CABCOCO1: variants seen among roughly 807,000 people sequenced by gnomAD.
The protein encoded by CABCOCO1 is ciliary-associated calcium-binding coiled-coil protein 1.
Under a neutral mutation model 35.7 loss-of-function variants are expected in CABCOCO1, and 28 were observed. The ratio of observed to expected loss-of-function variants is 0.78; its 90% confidence interval spans 0.58 to 1.07. CABCOCO1 has a LOEUF of 1.07. CABCOCO1 is among the 50% of genes least tolerant of loss of function. The pLI, the probability that CABCOCO1 is intolerant of heterozygous loss-of-function variation, is 0.00. For synonymous variants in CABCOCO1, 95 were observed against 100.1 expected (o/e 0.95, Z 0.30); for missense variants, 326 against 309.2 (o/e 1.05, Z -0.41).
At chr10:61,751,395 A>T (rs1192487409) in intron 5 of CABCOCO1, among the ~76,000 whole-genome samples, 1 of 152,018 alleles carries the variant, frequency 6.6e-6, no homozygotes, top group East Asian at 1.9e-4. Context: ...AGGCATCAGC[A>T]GGTGCCCCCA....
intron 5 of CABCOCO1, among the ~76,000 whole-genome samples, chr10:61,749,087 C>T (rs1841725945): frequency 6.6e-6 from 1 of 152,142 alleles, no homozygotes; most frequent in Non-Finnish European, 1.5e-5. Context: ...ATAAAAGCCA[C>T]CAAAATAGTC....
At chr10:61,691,809 C>A (rs953289956) in intron 5 of CABCOCO1, among the ~76,000 whole-genome samples, 1 of 152,134 alleles carries the variant, frequency 6.6e-6, no homozygotes, top group Non-Finnish European at 1.5e-5. Context: ...CATGTCCCTG[C>A]AAAGGACATG....
chr10:61,746,042 T>C (rs1452269552), intron 5 of CABCOCO1, among the ~76,000 whole-genome samples: 1 of 152,332 alleles, frequency 6.6e-6, no homozygotes, highest in South Asian at 2.1e-4. Context: ...GGTCAACATA[T>C]ATTGGCTGAG....
At chr10:61,665,872 G>A (rs1222472252) in intron 1 of CABCOCO1, among the ~76,000 whole-genome samples, 18 of 136,602 alleles carry the variant, frequency 1.3e-4, no homozygotes, top group Non-Finnish European at 2.1e-4. Flanking sequence ...GGGCGACAGA[G>A]CGAGACTCCG....
intron 5 of CABCOCO1, among the ~76,000 whole-genome samples, chr10:61,713,282 T>G (rs1386043725): frequency 6.6e-6 from 1 of 152,140 alleles, no homozygotes; most frequent in Non-Finnish European, 1.5e-5. Flanking sequence ...TGAATGGGAG[T>G]TCACTCATGA....
At chr10:61,672,808 C>A in intron 2 of CABCOCO1, 73 bp downstream of exon 2, 1 of 872,028 alleles carries the variant, frequency 1.1e-6, no homozygotes, top group Non-Finnish European at 1.4e-6. Context: ...ATTGTGATTA[C>A]ATGTATAAGC....
At chr10:61,695,290 TAAATC>T (rs1238153662) in intron 5 of CABCOCO1, among the ~76,000 whole-genome samples, 1 of 146,916 alleles carries the variant, frequency 6.8e-6, no homozygotes, top group Non-Finnish European at 1.5e-5. Context: ...AAGTGGAAGA[TAAATC>T]AAAAAAAAAA....
rs867151003 is a variant in CABCOCO1 at position 61,680,558 on chromosome 10, A to G, written c.165-585A>G. 7.7e-4 allele frequency among the ~76,000 whole-genome samples: 81 copies of G among 105,230 alleles called. 1 individual carries two copies. The highest frequency in any genetic ancestry group is 1.2e-3 in the Non-Finnish European group (69 of 55,564). The allele number at this position is 105,230 out of a possible 152,430, so 69.0% of individuals were successfully genotyped here. A position where few individuals can be genotyped will look rare whatever the true frequency, so the allele number is the denominator to read the frequency against. On this transcript the variant is annotated intron_variant, in intron 2 of 7. Transcript: ENST00000648843. ...TATTATGTTATATATAACATATAATATATATTTGTATATATTATGTTATAT... is the reference window on the plus strand; with the variant it reads ...TATTATGTTATATATAACATATAATGTATATTTGTATATATTATGTTATAT...
chr10:61,758,743 T>C (rs1476844502), intron 5 of CABCOCO1, among the ~76,000 whole-genome samples: 1 of 152,066 alleles, frequency 6.6e-6, no homozygotes, highest in Non-Finnish European at 1.5e-5. Context: ...GGTTTCCAAA[T>C]CTTTTTGCCT....
chr10:61,723,795 G>T (rs1256383563), intron 5 of CABCOCO1, among the ~76,000 whole-genome samples: 1 of 152,176 alleles, frequency 6.6e-6, no homozygotes, highest in East Asian at 1.9e-4. Context: ...ACTAAATGCA[G>T]TAACATTGGA....
chr10:61,766,506 G>GT lies in CABCOCO1; in HGVS notation c.*507dup, dbSNP rs11401832. 111,480 of 146,596 alleles carry GT rather than the reference G, an allele frequency of 0.76. 42,304 individuals are homozygous for GT. The highest frequency in any genetic ancestry group is 0.82 in the African/African-American group (32,997 of 40,000). The allele number at this position is 146,596 out of a possible 1,614,324, so 9.1% of individuals were successfully genotyped here. On this transcript the variant is annotated 3_prime_UTR_variant, in exon 8 of 8. Transcript: ENST00000648843. Reference sequence around the variant, plus strand: ...ATAGCAATTCAAATGCATATATGAGGTTTTTTTTTTTTTTACTGAAATCAT... The same window carrying GT: ...ATAGCAATTCAAATGCATATATGAGGTTTTTTTTTTTTTTTACTGAAATCAT...
chr10:61,670,634 C>T (rs1055560778), intron 1 of CABCOCO1, among the ~76,000 whole-genome samples: 1 of 152,102 alleles, frequency 6.6e-6, no homozygotes, highest in Admixed American at 6.5e-5. Context: ...AGTTTTTTTG[C>T]TGCCCTTATC....
At chr10:61,677,432 A>G (rs1839548536) in intron 2 of CABCOCO1, among the ~76,000 whole-genome samples, 1 of 152,204 alleles carries the variant, frequency 6.6e-6, no homozygotes, top group South Asian at 2.1e-4. Context: ...TCCTATTGAT[A>G]AGACTTAAGA....
chr10:61,749,548 T>A (rs1319930006), intron 5 of CABCOCO1, among the ~76,000 whole-genome samples: 1 of 152,252 alleles, frequency 6.6e-6, no homozygotes, highest in Non-Finnish European at 1.5e-5. Flanking sequence ...GCCAACACTA[T>A]GTAGAGCCAG....
chr10:61,677,518 T>C (rs1173193871), intron 2 of CABCOCO1, among the ~76,000 whole-genome samples: 1 of 152,190 alleles, frequency 6.6e-6, no homozygotes, highest in East Asian at 1.9e-4. Flanking sequence ...ACCATTTTTT[T>C]TCCCAGTCTG....
chr10:61,691,060 C>T (rs1436021143), intron 5 of CABCOCO1, among the ~76,000 whole-genome samples: 2 of 152,112 alleles, frequency 1.3e-5, no homozygotes, highest in Middle Eastern at 3.2e-3. Context: ...CTCAGTGGAT[C>T]AAACCTACCT....
chr10:61,730,403 G>T (rs182582551), intron 5 of CABCOCO1, among the ~76,000 whole-genome samples: 452 of 152,142 alleles, frequency 3.0e-3, no homozygotes, highest in African/African-American at 0.011. Flanking sequence ...TATCCATAAA[G>T]CACTACAGTT....
At chr10:61,669,033 A>AAAAAAAAAAAAAAAAAAT (rs398013742) in intron 1 of CABCOCO1, among the ~76,000 whole-genome samples, 2 of 150,152 alleles carry the variant, frequency 1.3e-5, no homozygotes, top group Admixed American at 6.6e-5. Flanking sequence ...AAAAAAAAAA[A>AAAAAAAAAAAAAAAAAAT]CACCTTCCAA....
chr10:61,688,876 TC>T (rs1447292479), intron 4 of CABCOCO1, among the ~76,000 whole-genome samples: 13 of 152,174 alleles, frequency 8.5e-5, no homozygotes, highest in African/African-American at 2.7e-4. Flanking sequence ...GTCACTTTGT[TC>T]CCATGTAGCA....
Sources: allele counts gnomAD v4.1 joint callset (sites outside exome capture counted in the v4.1 genomes callset), GRCh38; gene constraint gnomAD v4.1.1; transcripts MANE v1.5; gene names NCBI Gene and HGNC (gene_info 2026-07-23, HGNC 2026-07-21).